The following ENTHD1 variants were observed in gnomAD, a reference collection of about 807,000 sequenced individuals.
ENTHD1 encodes ENTH domain containing 1, also known as ENTH domain-containing protein 1.
A neutral mutation model predicts 39.1 loss-of-function variants in ENTHD1; 23 were observed. That is an observed-to-expected ratio of 0.59 (90% CI 0.42 to 0.83). The LOEUF (loss-of-function observed/expected upper bound fraction) is 0.83. ENTHD1 is among the 40% of genes least tolerant of loss of function. The pLI, the probability that ENTHD1 is intolerant of heterozygous loss-of-function variation, is 0.00. For missense variants in ENTHD1, 624 were observed against 705.4 expected, an observed-to-expected ratio of 0.88 and a Z score of 1.31; for synonymous variants, 230 against 258.2, an observed-to-expected ratio of 0.89 and a Z score of 1.05.
At chr22:39,875,375 T>C in intron 2 of ENTHD1, 1 of 1,405,672 alleles carries the variant, frequency 7.1e-7, no homozygotes, top group East Asian at 2.8e-5. Flanking sequence ...GCTGCGGCCC[T>C]TGGTGCAGGC....
chr22:39,891,676 T>C (rs1193160947), intron 1 of ENTHD1, among the ~76,000 whole-genome samples: 1 of 151,396 alleles, frequency 6.6e-6, no homozygotes, highest in Non-Finnish European at 1.5e-5. Context: ...TGGAGTGAAG[T>C]GGCACGATCT....
chr22:39,780,148 T>G (rs1601589091), intron 5 of ENTHD1, among the ~76,000 whole-genome samples: 1 of 151,906 alleles, frequency 6.6e-6, no homozygotes, highest in Admixed American at 6.6e-5. Flanking sequence ...CCAAGGCAGG[T>G]GGATCACTTG....
At chr22:39,785,581 C>T (rs1303904887) in intron 5 of ENTHD1, among the ~76,000 whole-genome samples, 1 of 152,172 alleles carries the variant, frequency 6.6e-6, no homozygotes, top group East Asian at 1.9e-4. Context: ...CTAATGTGGC[C>T]ATCCATGCCG....
intron 5 of ENTHD1, among the ~76,000 whole-genome samples, chr22:39,768,700 G>A (rs1301077674): frequency 6.6e-6 from 1 of 151,966 alleles, no homozygotes; most frequent in African/African-American, 2.4e-5. Context: ...GGTGTCAAAT[G>A]TTTGTTAAAT....
chr22:39,786,342 A>C (rs1369702648), intron 5 of ENTHD1, among the ~76,000 whole-genome samples: 1 of 152,170 alleles, frequency 6.6e-6, no homozygotes, highest in East Asian at 1.9e-4. Flanking sequence ...CAAACTAACG[A>C]ATATCTACCA....
intron 6 of ENTHD1, among the ~76,000 whole-genome samples, chr22:39,747,308 C>G (rs1445985542): frequency 6.6e-6 from 1 of 152,112 alleles, no homozygotes; most frequent in East Asian, 1.9e-4. Flanking sequence ...TTTAAATTCT[C>G]TTTGTTTAGC....
At chr22:39,813,792 A>T (rs1256042776) in intron 5 of ENTHD1, among the ~76,000 whole-genome samples, 1 of 152,214 alleles carries the variant, frequency 6.6e-6, no homozygotes, top group African/African-American at 2.4e-5. Flanking sequence ...AGATTAAATG[A>T]TTTTCAACCT....
intron 6 of ENTHD1, among the ~76,000 whole-genome samples, chr22:39,759,019 A>T (rs1321112845): frequency 6.6e-6 from 1 of 152,118 alleles, no homozygotes; most frequent in African/African-American, 2.4e-5. Context: ...CTAATATTTT[A>T]CTGAGGATTT....
At chr22:39,873,814 A>C (rs949285001) in intron 2 of ENTHD1, among the ~76,000 whole-genome samples, 4 of 152,242 alleles carry the variant, frequency 2.6e-5, no homozygotes, top group Admixed American at 6.5e-5. Context: ...AAAACTATAA[A>C]TATCTGGAAG....
intron 2 of ENTHD1, among the ~76,000 whole-genome samples, chr22:39,864,229 A>C (rs878973791): frequency 1.3e-5 from 2 of 152,020 alleles, no homozygotes; most frequent in South Asian, 4.2e-4. Context: ...ATCTCCTTCC[A>C]CCTTCCCCCT....
chr22:39,782,256 C>T (rs1340493716), intron 5 of ENTHD1, among the ~76,000 whole-genome samples: 1 of 152,104 alleles, frequency 6.6e-6, no homozygotes, highest in Non-Finnish European at 1.5e-5. Flanking sequence ...CACTGCACTC[C>T]AGCCTGGGCA....
chr22:39,804,770 A>T (rs2065627550), intron 5 of ENTHD1, among the ~76,000 whole-genome samples: 2 of 152,188 alleles, frequency 1.3e-5, no homozygotes, highest in African/African-American at 4.8e-5. Context: ...AGATGAAGCC[A>T]CTATTGCCCA....
rs145257128 is a variant in ENTHD1 at position 39,780,761 on chromosome 22, G to T, written c.833-15152C>A. Among the ~76,000 whole-genome samples, 312 of 152,330 alleles carry T rather than the reference G, an allele frequency of 2.0e-3. 1 individual carries two copies. The highest frequency in any genetic ancestry group is 7.4e-3 in the African/African-American group (308 of 41,568). On this transcript the variant is annotated intron_variant, in intron 5 of 6. Coordinates refer to ENST00000325157, the MANE Select transcript of ENTHD1 (RefSeq NM_152512.4). ...CGCCTATAATCCCAGCACTTTGGGA[G>T]GCCAGGGCAGGCACATCATGAGGTC... is the stretch of plus-strand genomic sequence containing the variant.
chr22:39,807,990 G>A (rs750175848), intron 5 of ENTHD1, among the ~76,000 whole-genome samples: 4 of 152,012 alleles, frequency 2.6e-5, no homozygotes, highest in Non-Finnish European at 4.4e-5. Flanking sequence ...ACACATCAGC[G>A]TAGGCTCTGG....
intron 5 of ENTHD1, among the ~76,000 whole-genome samples, chr22:39,806,382 C>G (rs1273991153): frequency 6.6e-6 from 1 of 152,172 alleles, no homozygotes; most frequent in Admixed American, 6.5e-5. Context: ...TGGTGGGGAA[C>G]CTCGCTGGTG....
chr22:39,862,661 C>T (rs78670366), intron 2 of ENTHD1, among the ~76,000 whole-genome samples: 1 of 151,648 alleles, frequency 6.6e-6, no homozygotes, highest in African/African-American at 2.4e-5. Context: ...AGATGTATGA[C>T]CAGGACACAT....
chr22:39,748,578 G>A (rs548752649), intron 6 of ENTHD1, among the ~76,000 whole-genome samples: 1 of 149,830 alleles, frequency 6.7e-6, no homozygotes, highest in Non-Finnish European at 1.5e-5. Context: ...CCGTCACCAC[G>A]CCCGGCTATT....
In ENTHD1 at chr22:39,861,679, T is replaced by G. The variant is rs1184625127; in HGVS notation, c.592+86A>C. The G allele has an allele frequency of 3.6e-6, 4 of 1,114,146 alleles. No individual in the cohort carries two copies. In the Admixed American group the frequency reaches 1.1e-4, roughly 32 times the overall value. The allele number at this position is 1,114,146 out of a possible 1,614,324, so 69.0% of individuals were successfully genotyped here. A position where few individuals can be genotyped will look rare whatever the true frequency, so the allele number is the denominator to read the frequency against. ...TAGTAATACTAAATAATATTAATAA[T>G]TTAGTACTAAAACATAATATTTTAT... On this transcript the variant is annotated intron_variant, in intron 3 of 6. Coordinates refer to ENST00000325157, the MANE Select transcript of ENTHD1 (RefSeq NM_152512.4).
intron 5 of ENTHD1, among the ~76,000 whole-genome samples, chr22:39,781,798 A>G (rs1229360277): frequency 6.6e-6 from 1 of 152,182 alleles, no homozygotes; most frequent in Non-Finnish European, 1.5e-5. Context: ...AGATGACCCA[A>G]ATAACATCAG....
Sources: allele counts gnomAD v4.1 joint callset (sites outside exome capture counted in the v4.1 genomes callset), GRCh38; gene constraint gnomAD v4.1.1; transcripts MANE v1.5; gene names NCBI Gene and HGNC (gene_info 2026-07-23, HGNC 2026-07-21).